The following TNPO3 variants were observed in gnomAD, a reference collection of about 807,000 sequenced individuals.
The protein encoded by TNPO3 is transportin 3.
TNPO3 carries 65 observed loss-of-function variants against 122.8 expected under a neutral mutation model. The ratio of observed to expected loss-of-function variants is 0.53; its 90% CI spans 0.43 to 0.65. The LOEUF is 0.65. Among genes scored for constraint, TNPO3 ranks in the 30% least tolerant of loss-of-function variants. The pLI is 0.00. For synonymous variants in TNPO3, 372 were observed against 411.2 expected (o/e 0.90, Z 1.15); for missense variants, 850 against 1,136.7 (o/e 0.75, Z 3.63).
chr7:129,043,260 G>C (rs1015973595), intron 1 of TNPO3, among the ~76,000 whole-genome samples: 1 of 151,794 alleles, frequency 6.6e-6, no homozygotes, highest in Non-Finnish European at 1.5e-5. Flanking sequence ...AAAATTAGCA[G>C]GATGTGATGG....
chr7:129,037,180 A>T (rs1806786696), intron 1 of TNPO3, among the ~76,000 whole-genome samples: 2 of 152,260 alleles, frequency 1.3e-5, no homozygotes, highest in Admixed American at 6.5e-5. Flanking sequence ...AAGAATAAAA[A>T]TGCCTCAGAA....
chr7:128,976,054 G>C (rs966352239), intron 16 of TNPO3, 119 bp from the exon 17 acceptor site: 1 of 713,210 alleles, frequency 1.4e-6, no homozygotes, highest in Non-Finnish European at 2.5e-6. Flanking sequence ...AGGCAACATA[G>C]TATAAAGCTT....
chr7:129,004,016 T>C (rs1802299885), intron 5 of TNPO3, among the ~76,000 whole-genome samples: 1 of 152,190 alleles, frequency 6.6e-6, no homozygotes, highest in Non-Finnish European at 1.5e-5. Flanking sequence ...ATAATAAATA[T>C]TATCATTATT....
chr7:128,969,234 T>C (rs1489350111), intron 20 of TNPO3, among the ~76,000 whole-genome samples: 2 of 152,220 alleles, frequency 1.3e-5, no homozygotes, highest in South Asian at 2.1e-4. Flanking sequence ...GAAGACTTTT[T>C]CCCTCAGGTC....
At chr7:128,967,598 T>C (rs539497310) in intron 20 of TNPO3, among the ~76,000 whole-genome samples, 4 of 152,352 alleles carry the variant, frequency 2.6e-5, no homozygotes, top group South Asian at 4.1e-4. Context: ...ATGCCTAGAC[T>C]TCCCTTCAAA....
At chr7:129,005,668 T>C (rs1253054116) in intron 4 of TNPO3, among the ~76,000 whole-genome samples, 1 of 152,060 alleles carries the variant, frequency 6.6e-6, no homozygotes, top group Non-Finnish European at 1.5e-5. Context: ...CCCATGATTG[T>C]TAAGTTTCCT....
chr7:129,038,264 C>G lies in TNPO3; in HGVS notation c.120+16387G>C, dbSNP rs748333449. Among the ~76,000 whole-genome samples, 106 of 151,898 alleles carry G rather than the reference C, an allele frequency of 7.0e-4. 2 individuals carry two copies. The highest frequency in any genetic ancestry group is 1.6e-4 in the Non-Finnish European group (11 of 67,968). On this transcript the variant is annotated intron_variant, in intron 1 of 22. Transcript: ENST00000265388. ...GAAAGAATTCTAAAGCCAATGAAAC[C>G]ATATTTCTAAAATGAAAGCATTCGA...
chr7:129,037,795 C>G (rs1259558351), intron 1 of TNPO3, among the ~76,000 whole-genome samples: 6 of 152,094 alleles, frequency 3.9e-5, no homozygotes, highest in African/African-American at 1.4e-4. Flanking sequence ...AACCTCTACC[C>G]CTAGGGGACA....
chr7:129,031,164 T>C (rs1261095529), intron 1 of TNPO3, among the ~76,000 whole-genome samples: 2 of 151,958 alleles, frequency 1.3e-5, no homozygotes, highest in Non-Finnish European at 2.9e-5. Flanking sequence ...CCAGGCCTGA[T>C]GGCAGCTGCC....
chr7:129,039,558 TA>T (rs202218466), intron 1 of TNPO3, among the ~76,000 whole-genome samples: 14 of 151,090 alleles, frequency 9.3e-5, no homozygotes, highest in Non-Finnish European at 1.6e-4. Flanking sequence ...AGATTCTGTC[TA>T]AAAAAAAATA....
intron 3 of TNPO3, among the ~76,000 whole-genome samples, chr7:129,015,823 A>G (rs1803782376): frequency 6.6e-6 from 1 of 151,990 alleles, no homozygotes; most frequent in Non-Finnish European, 1.5e-5. Context: ...ACAGAGTGAG[A>G]CCCTGTTTCA....
chr7:129,050,178 C>T (rs906998203), intron 1 of TNPO3, among the ~76,000 whole-genome samples: 2 of 151,604 alleles, frequency 1.3e-5, no homozygotes, highest in East Asian at 1.9e-4. Flanking sequence ...GGTCAGGAGA[C>T]CGAGACCATC....
In TNPO3 at chr7:128,969,511, T is replaced by C. The variant is rs115294668; in HGVS notation, c.2598+637A>G. ...TTATAAATTCCATTTTAAAAATGATTTCAGGTTATATTATACTTTACCATT... is the reference window on the plus strand; with the variant it reads ...TTATAAATTCCATTTTAAAAATGATCTCAGGTTATATTATACTTTACCATT... On this transcript the variant is annotated intron_variant, in intron 20 of 22. Coordinates refer to ENST00000265388, the MANE Select transcript of TNPO3 (RefSeq NM_012470.4). Among the ~76,000 whole-genome samples the C allele has an allele frequency of 9.0e-3, 1,369 of 152,260 alleles. 31 individuals are homozygous for C. The highest frequency in any genetic ancestry group is 0.029 in the African/African-American group (1,211 of 41,546).
intron 18 of TNPO3, among the ~76,000 whole-genome samples, chr7:128,973,316 T>C (rs1053025120): frequency 6.6e-6 from 1 of 152,178 alleles, no homozygotes; most frequent in Non-Finnish European, 1.5e-5. Context: ...CTATCAGGTT[T>C]CTAAGTTCCT....
At position 128,955,314 on chromosome 7, in the gene TNPO3, A is replaced by G; in HGVS notation, c.*103T>C. 4.4e-6 allele frequency: 2 copies of G among 455,664 alleles called. No homozygotes were observed. Among genetic ancestry groups the G allele is most frequent in the Admixed American group, 2.3e-5 (1 of 42,574 alleles). The allele number at this position is 455,664 out of a possible 1,614,324, so 28.2% of individuals were successfully genotyped here. A position where few individuals can be genotyped will look rare whatever the true frequency, so the allele number is the denominator to read the frequency against. On this transcript the variant is annotated 3_prime_UTR_variant, in exon 23 of 23. Coordinates refer to ENST00000265388, the MANE Select transcript of TNPO3 (RefSeq NM_012470.4). ...TGGCGGTGAAGGCCCCTCTGCCACA[A>G]CGGAGGTTTCTGATTGTGGGACACA...
Position 129,017,129 on chromosome 7 carries a change from C to A in TNPO3, c.322-73G>T, listed in dbSNP as rs142839115. The A allele has an allele frequency of 1.1e-4, 146 of 1,372,548 alleles. No homozygotes were observed. In the Admixed American group the frequency reaches 2.4e-3, roughly 23 times the overall value. The allele number at this position is 1,372,548 out of a possible 1,614,324, so 85.0% of individuals were successfully genotyped here. On this transcript the variant is annotated intron_variant, in intron 2 of 22. Transcript: ENST00000265388. ...GTCACAATAAATATTAATTGGGAAG[C>A]AAAGAAACATTTCTTCCAAACAATA... is the stretch of plus-strand genomic sequence containing the variant.
Position 129,005,702 on chromosome 7 carries a change from C to CTACA in TNPO3, c.553-544_553-543insTGTA, listed in dbSNP as rs560332766. 6.9e-3 allele frequency among the ~76,000 whole-genome samples: 1,056 copies of CTACA among 152,032 alleles called. 11 individuals are homozygous for CTACA. The highest frequency in any genetic ancestry group is 0.024 in the African/African-American group (1,012 of 41,442). On this transcript the variant is annotated intron_variant, in intron 4 of 22. Coordinates refer to ENST00000265388, the MANE Select transcript of TNPO3 (RefSeq NM_012470.4). ...CTGAGGCCTCCCTAGAAGCAGAAGC[C>CTACA]TGTACAGCCCACAGAACCATAAGCT...
chr7:129,051,886 C>T lies in TNPO3; in HGVS notation c.120+2765G>A, dbSNP rs374097971. On this transcript the variant is annotated intron_variant, in intron 1 of 22. Coordinates refer to ENST00000265388, the MANE Select transcript of TNPO3 (RefSeq NM_012470.4). Reference sequence around the variant, plus strand: ...CTCAAACCCCTGACCTCAAGCGATCCGCCCGCCTCAGCCTCCCAAAGTGTT... The same window carrying T: ...CTCAAACCCCTGACCTCAAGCGATCTGCCCGCCTCAGCCTCCCAAAGTGTT... 1.5e-4 allele frequency among the ~76,000 whole-genome samples: 23 copies of T among 152,324 alleles called. No individual in the cohort carries two copies. In the East Asian group the frequency reaches 4.2e-3, roughly 28 times the overall value.
intron 2 of TNPO3, 83 bp downstream of exon 2, chr7:129,017,874 A>T: frequency 7.2e-7 from 1 of 1,387,424 alleles, no homozygotes; most frequent in Non-Finnish European, 1.0e-6. Flanking sequence ...ATTACCTCAC[A>T]TGGCCTAGCA....
Sources: allele counts gnomAD v4.1 joint callset (sites outside exome capture counted in the v4.1 genomes callset), GRCh38; gene constraint gnomAD v4.1.1; transcripts MANE v1.5; gene names NCBI Gene and HGNC (gene_info 2026-07-23, HGNC 2026-07-21).